DLG2: variants seen among roughly 807,000 people sequenced by gnomAD.
DLG2 encodes the protein discs large MAGUK scaffold protein 2, also known as disks large homolog 2.
In DLG2, 45 loss-of-function variants were observed where a neutral mutation model predicts 132.5. That is an observed-to-expected ratio of 0.34 (90% CI 0.27 to 0.44). The LOEUF (loss-of-function observed/expected upper bound fraction) is 0.44, where lower values mean the gene tolerates loss of function less well. Among genes scored for constraint, DLG2 ranks in the 20% least tolerant of loss-of-function variants. DLG2 has a pLI of 1.00. For missense variants in DLG2, 1,045 were observed against 1,196.9 expected (o/e 0.87, Z 1.87); for synonymous variants, 424 against 419.6 (o/e 1.01, Z -0.13).
At chr11:84,360,593 G>A (rs977528884) in intron 7 of DLG2, among the ~76,000 whole-genome samples, 8 of 151,860 alleles carry the variant, frequency 5.3e-5, no homozygotes, top group Non-Finnish European at 1.2e-4. Flanking sequence ...AAAGAAATAC[G>A]GGACTCAAAC....
At chr11:84,827,376 T>G (rs1168845493) in intron 6 of DLG2, among the ~76,000 whole-genome samples, 1 of 151,618 alleles carries the variant, frequency 6.6e-6, no homozygotes, top group East Asian at 2.0e-4. Context: ...AAAAAAAATT[T>G]ATGTCTGATG....
intron 21 of DLG2, among the ~76,000 whole-genome samples, chr11:83,531,025 C>T (rs192992635): frequency 1.2e-3 from 185 of 152,022 alleles, no homozygotes; most frequent in African/African-American, 4.4e-3. Context: ...CATGGATCAA[C>T]CACCTAAATG....
rs139909165 is a variant in DLG2, at chr11:83,736,684, T to G, written c.1825+50006A>C. ...ATTTCATCTATTTTTGAAAATGTAG[T>G]TGCTCTCTAAAGTGCCTGTTTCTTC... is the stretch of plus-strand genomic sequence containing the variant. On this transcript the variant is annotated intron_variant, in intron 18 of 27. Coordinates refer to ENST00000376104, the MANE Select transcript of DLG2 (RefSeq NM_001142699.3). Among the ~76,000 whole-genome samples, 12 of 152,296 alleles carry G rather than the reference T, an allele frequency of 7.9e-5. No homozygotes were observed. The East Asian group carries it at 2.1e-3, about 27-fold the overall frequency.
chr11:85,039,881 C>T (rs1338785239), intron 6 of DLG2, among the ~76,000 whole-genome samples: 1 of 151,794 alleles, frequency 6.6e-6, no homozygotes, highest in Non-Finnish European at 1.5e-5. Context: ...GAATGAATTT[C>T]CATAGATACT....
intron 6 of DLG2, among the ~76,000 whole-genome samples, chr11:84,739,553 T>C (rs2064313214): frequency 6.6e-6 from 1 of 152,204 alleles, no homozygotes; most frequent in African/African-American, 2.4e-5. Flanking sequence ...GATATATCTT[T>C]AAAAATGGAA....
At chr11:83,620,971 T>A (rs1443418516) in intron 19 of DLG2, among the ~76,000 whole-genome samples, 1 of 151,786 alleles carries the variant, frequency 6.6e-6, no homozygotes, top group Non-Finnish European at 1.5e-5. Flanking sequence ...GTCATCATGA[T>A]GCTTACTTTA....
intron 3 of DLG2, among the ~76,000 whole-genome samples, chr11:85,394,724 G>A (rs1412308991): frequency 6.6e-6 from 1 of 152,106 alleles, no homozygotes; most frequent in African/African-American, 2.4e-5. Flanking sequence ...ACAATCTAGG[G>A]TGAGACAGAT....
At chr11:85,400,771 G>A (rs898137870) in intron 3 of DLG2, among the ~76,000 whole-genome samples, 20 of 151,540 alleles carry the variant, frequency 1.3e-4, no homozygotes, top group African/African-American at 4.6e-4. Context: ...ATCACACTCT[G>A]GAGACTGTTG....
At chr11:84,583,306 C>CATCTGCT (rs2099521054) in intron 6 of DLG2, among the ~76,000 whole-genome samples, 1 of 152,166 alleles carries the variant, frequency 6.6e-6, no homozygotes, top group African/African-American at 2.4e-5. Context: ...CTTTTAAAAG[C>CATCTGCT]ATCTGCTGTC....
At chr11:83,940,154 G>A (rs1196055451) in intron 14 of DLG2, among the ~76,000 whole-genome samples, 1 of 152,144 alleles carries the variant, frequency 6.6e-6, no homozygotes, top group Non-Finnish European at 1.5e-5. Flanking sequence ...TTTAGAGAAG[G>A]CTTTTTGCTA....
chr11:85,325,137 G>T (rs550392388), intron 3 of DLG2, among the ~76,000 whole-genome samples: 341 of 135,402 alleles, frequency 2.5e-3, no homozygotes, highest in Non-Finnish European at 4.3e-3. Context: ...ACGGAATCTC[G>T]CTGATTGCTA....
At chr11:84,421,769 G>A (rs1221480669) in intron 7 of DLG2, among the ~76,000 whole-genome samples, 1 of 152,152 alleles carries the variant, frequency 6.6e-6, no homozygotes, top group African/African-American at 2.4e-5. Context: ...TACCTGCTCT[G>A]CTCAGGCCAA....
At chr11:83,900,030 T>C (rs530480717) in intron 15 of DLG2, among the ~76,000 whole-genome samples, 1 of 152,046 alleles carries the variant, frequency 6.6e-6, no homozygotes, top group Non-Finnish European at 1.5e-5. Flanking sequence ...TGTTGGGAAA[T>C]GGAGCAAAGG....
At chr11:85,257,197 C>CA (rs1217488820) in intron 4 of DLG2, among the ~76,000 whole-genome samples, 1 of 151,868 alleles carries the variant, frequency 6.6e-6, no homozygotes, top group African/African-American at 2.4e-5. Context: ...TATGGAAAGG[C>CA]AAAAAATCAT....
intron 3 of DLG2, among the ~76,000 whole-genome samples, chr11:85,459,033 G>A (rs1381084913): frequency 1.3e-5 from 2 of 152,218 alleles, no homozygotes; most frequent in Admixed American, 6.5e-5. Context: ...CTCAAGCTAG[G>A]AAGGCCCGCC....
intron 6 of DLG2, among the ~76,000 whole-genome samples, chr11:85,103,349 C>A (rs349088): frequency 0.48 from 72,883 of 151,754 alleles, 17,891 homozygotes; most frequent in South Asian, 0.6. Context: ...ACCAAATTTC[C>A]AACTTACTAC....
chr11:83,497,350 C>A (rs1167241458), intron 21 of DLG2, among the ~76,000 whole-genome samples: 1 of 152,114 alleles, frequency 6.6e-6, no homozygotes, highest in East Asian at 1.9e-4. Context: ...CGACACCAGC[C>A]TGATCAATAT....
chr11:85,334,912 A>G (rs577883284), intron 3 of DLG2, among the ~76,000 whole-genome samples: 2 of 152,222 alleles, frequency 1.3e-5, no homozygotes. Context: ...GTTGTTGGGT[A>G]GAGTATTCTG....
At chr11:84,451,709 G>C (rs1233665595) in intron 7 of DLG2, among the ~76,000 whole-genome samples, 1 of 151,750 alleles carries the variant, frequency 6.6e-6, no homozygotes, top group Non-Finnish European at 1.5e-5. Context: ...CTACCTCATG[G>C]AGCTTACATT....
Sources: allele counts gnomAD v4.1 joint callset (sites outside exome capture counted in the v4.1 genomes callset), GRCh38; gene constraint gnomAD v4.1.1; transcripts MANE v1.5; gene names NCBI Gene and HGNC (gene_info 2026-07-23, HGNC 2026-07-21).